The following RBPJ variants were observed in gnomAD, a reference collection of about 807,000 sequenced individuals.
RBPJ encodes the protein recombining binding protein suppressor of hairless.
Under a neutral mutation model 67.8 loss-of-function variants are expected in RBPJ, and 9 were observed. That is an observed-to-expected ratio of 0.13 (90% CI 0.08 to 0.23). The LOEUF (loss-of-function observed/expected upper bound fraction) is 0.23. Among genes scored for constraint, RBPJ ranks in the 10% least tolerant of loss-of-function variants. The pLI is 1.00. For synonymous variants in RBPJ, 198 were observed against 203.3 expected (o/e 0.97, Z 0.22); for missense variants, 305 against 595.6 (o/e 0.51, Z 5.08).
chr4:26,367,621 C>T (rs1024693467), intron 1 of RBPJ, among the ~76,000 whole-genome samples: 1 of 152,138 alleles, frequency 6.6e-6, no homozygotes, highest in African/African-American at 2.4e-5. Context: ...ATATTGAAGG[C>T]AGTTAAATGT....
intron 1 of RBPJ, among the ~76,000 whole-genome samples, chr4:26,260,429 T>C (rs535282784): frequency 6.6e-6 from 1 of 152,328 alleles, no homozygotes; most frequent in Admixed American, 6.5e-5. Context: ...AAATTAGGCA[T>C]GATAAACTTT....
At chr4:26,319,622 T>G, upstream of RBPJ, 1 of 578,912 alleles carries the variant, frequency 1.7e-6, no homozygotes, top group Non-Finnish European at 3.1e-6. Flanking sequence ...CTCGCGAGGT[T>G]TAGGAAATTT....
In RBPJ at chr4:26,432,721, A is replaced by C. The variant is rs1408327654; in HGVS notation, c.*1714A>C. ...GTAAAAACTACCTCTAGATTGTGGTAAGCTTTTACTGTCCCATAAAACAGG... is the reference window on the plus strand; with the variant it reads ...GTAAAAACTACCTCTAGATTGTGGTCAGCTTTTACTGTCCCATAAAACAGG... On this transcript the variant is annotated 3_prime_UTR_variant, in exon 11 of 11. Coordinates refer to ENST00000355476, the MANE Select transcript of RBPJ (RefSeq NM_015874.6). The C allele has an allele frequency of 1.3e-5, 2 of 152,206 alleles. No individual in the cohort carries two copies. The highest frequency in any genetic ancestry group is 2.9e-5 in the Non-Finnish European group (2 of 68,044). The allele number at this position is 152,206 out of a possible 1,614,324, so 9.4% of individuals were successfully genotyped here.
At chr4:26,159,081 C>T (rs1716031318), upstream of RBPJ, among the ~76,000 whole-genome samples, 1 of 151,696 alleles carries the variant, frequency 6.6e-6, no homozygotes, top group Non-Finnish European at 1.5e-5. Context: ...GGTTTAGAGA[C>T]CTCAGGATGA....
chr4:26,193,561 C>A (rs145793133), intron 1 of RBPJ, among the ~76,000 whole-genome samples: 225 of 152,078 alleles, frequency 1.5e-3, no homozygotes, highest in African/African-American at 5.2e-3. Flanking sequence ...AGCCCTGAAT[C>A]TGCCTTTCAA....
At chr4:26,196,007 A>T (rs935341880) in intron 1 of RBPJ, among the ~76,000 whole-genome samples, 24 of 152,126 alleles carry the variant, frequency 1.6e-4, no homozygotes, top group Non-Finnish European at 5.9e-5. Context: ...GAGAGAGAAG[A>T]GAGAAAAGAG....
intron 1 of RBPJ, among the ~76,000 whole-genome samples, chr4:26,309,812 G>A (rs915677303): frequency 1.3e-5 from 2 of 152,186 alleles, no homozygotes; most frequent in Non-Finnish European, 2.9e-5. Flanking sequence ...TGTGTAGGTA[G>A]TGTTAACTGG....
At chr4:26,348,627 T>C (rs1055249612) in intron 1 of RBPJ, among the ~76,000 whole-genome samples, 3 of 152,232 alleles carry the variant, frequency 2.0e-5, no homozygotes, top group African/African-American at 7.2e-5. Context: ...TGTTAAAAAG[T>C]ATTTTGATAA....
chr4:26,365,442 C>T (rs898737134), intron 1 of RBPJ, among the ~76,000 whole-genome samples: 5 of 152,154 alleles, frequency 3.3e-5, no homozygotes, highest in Admixed American at 6.6e-5. Context: ...GGCTTCAGCA[C>T]ATTCATGAGT....
Position 26,290,174 on chromosome 4 carries a change from A to T in RBPJ, c.-166-72272A>T, listed in dbSNP as rs1721620030. Among the ~76,000 whole-genome samples, 3 of 149,550 alleles carry T rather than the reference A, an allele frequency of 2.0e-5. 1 individual carries two copies. Among genetic ancestry groups the T allele is most frequent in the Admixed American group, 1.3e-4 (2 of 15,008 alleles). The stretch of plus-strand genomic sequence containing the variant: ...GCGAGACCCCACCTCCCATCTCTAC[A>T]TGTGACTTAAAAAACTTAGCTGGGC... On this transcript the variant is annotated intron_variant, in intron 1 of 4. Coordinates refer to the RBPJ transcript ENST00000512351.
chr4:26,187,090 T>G (rs1210328027), intron 1 of RBPJ, among the ~76,000 whole-genome samples: 2 of 151,978 alleles, frequency 1.3e-5, no homozygotes, highest in African/African-American at 2.4e-5. Flanking sequence ...GGTGTGGTGT[T>G]GCATACCTGT....
intron 1 of RBPJ, among the ~76,000 whole-genome samples, chr4:26,205,386 G>A (rs918249386): frequency 6.6e-6 from 1 of 152,144 alleles, no homozygotes; most frequent in African/African-American, 2.4e-5. Context: ...TCTGGAGTCA[G>A]GCTCCTGGGT....
intron 1 of RBPJ, among the ~76,000 whole-genome samples, chr4:26,372,594 T>C (rs1331578022): frequency 6.6e-6 from 1 of 152,184 alleles, no homozygotes; most frequent in African/African-American, 2.4e-5. Flanking sequence ...GTCCACTTCC[T>C]AGGGGCCTTG....
intron 2 of RBPJ, among the ~76,000 whole-genome samples, chr4:26,404,466 T>G (rs1278649588): frequency 1.3e-5 from 2 of 152,006 alleles, no homozygotes; most frequent in African/African-American, 4.8e-5. Context: ...TGTCCAATTT[T>G]CAAAGCCTTT....
At chr4:26,258,457 T>C (rs1720417873) in intron 1 of RBPJ, among the ~76,000 whole-genome samples, 1 of 152,188 alleles carries the variant, frequency 6.6e-6, no homozygotes, top group Non-Finnish European at 1.5e-5. Context: ...CATCAGTCCA[T>C]CTCAAAGTTT....
the RBPJ span, among the ~76,000 whole-genome samples, chr4:26,151,314 A>G: frequency 3.3e-5 from 5 of 152,314 alleles, no homozygotes; most frequent in African/African-American, 1.2e-4. Flanking sequence ...TTGCCAGCAA[A>G]TTGAACACCC....
rs900786525 is a variant in RBPJ, at chr4:26,292,610, C to T, written c.-166-69836C>T. Among the ~76,000 whole-genome samples, 8 of 149,984 alleles carry T rather than the reference C, an allele frequency of 5.3e-5. No individual in the cohort carries two copies. The South Asian group carries it at 6.3e-4, about 12-fold the overall frequency. Reference sequence around the variant, plus strand: ...TAACTTTTGTTATTTTTAGTAGAGACGAGGTTTCACCATGTTGGCCAGGCT... The same window carrying T: ...TAACTTTTGTTATTTTTAGTAGAGATGAGGTTTCACCATGTTGGCCAGGCT... On this transcript the variant is annotated intron_variant, in intron 1 of 4. Transcript: ENST00000512351.
upstream of RBPJ, among the ~76,000 whole-genome samples, chr4:26,318,686 C>G (rs898916816): frequency 6.6e-6 from 1 of 152,014 alleles, no homozygotes; most frequent in African/African-American, 2.4e-5. Flanking sequence ...ACAGGGCCAG[C>G]GGGTAGATTA....
At chr4:26,415,111 A>C (rs1316722507) in intron 3 of RBPJ, among the ~76,000 whole-genome samples, 1 of 152,228 alleles carries the variant, frequency 6.6e-6, no homozygotes, top group Non-Finnish European at 1.5e-5. Flanking sequence ...ATTAGTAATT[A>C]CAGATTTTTG....
Sources: gnomAD v4.1 joint callset for allele counts (sites outside exome capture counted in the v4.1 genomes callset) on GRCh38, gnomAD v4.1.1 for gene constraint, MANE v1.5 for transcripts, NCBI Gene and HGNC (gene_info 2026-07-23, HGNC 2026-07-21) for gene names.